Variants in CCDC85C observed in about 807,000 individuals in gnomAD.
The protein encoded by CCDC85C is coiled-coil domain-containing protein 85C.
A neutral mutation model predicts 38.3 loss-of-function variants in CCDC85C; 18 were observed. That is an observed-to-expected ratio of 0.47 (90% CI 0.33 to 0.70). The LOEUF is 0.70. Ranked by LOEUF, CCDC85C falls within the 30% of genes least tolerant of loss-of-function variation. CCDC85C has a pLI of 0.03. For synonymous variants in CCDC85C, 264 were observed against 293.8 expected (o/e 0.90, Z 1.04); for missense variants, 566 against 621.2 (o/e 0.91, Z 0.94).
chr14:99,603,479 T>C lies in CCDC85C; in HGVS notation c.481A>G (p.Thr161Ala). Residue 161 changes from threonine (T) to alanine (A), a missense_variant, in exon 1 of 6, where the codon ACG becomes GCG. This residue lies in a region of CCDC85C where 269 missense variants were observed against 308.2 expected (regional missense o/e 0.87). Transcript: ENST00000380243. This position sits in a 1 kb window ranked among gnomAD's most constrained non-coding sequence, Gnocchi z 7.5. ...CCGCCGCCACCGCTTGCGGCCCCCGTCGCCGCCAGTGCCGCGCGCTCCTCG... is the reference window on the plus strand; with the variant it reads ...CCGCCGCCACCGCTTGCGGCCCCCGCCGCCGCCAGTGCCGCGCGCTCCTCG... Reference protein sequence around the residue: ...LDEERAALAATGAASGGGGGG... With the variant: ...LDEERAALAAAGAASGGGGGG... 1 of 1,289,166 alleles carries C rather than the reference T, an allele frequency of 7.8e-7. No individual in the cohort carries two copies. The highest frequency in any genetic ancestry group is 9.7e-7 in the Non-Finnish European group (1 of 1,025,772). The allele number at this position is 1,289,166 out of a possible 1,614,324, so 79.9% of individuals were successfully genotyped here.
At chr14:99,568,202 G>A (rs1898256405) in intron 1 of CCDC85C, among the ~76,000 whole-genome samples, 1 of 150,994 alleles carries the variant, frequency 6.6e-6, no homozygotes, top group African/African-American at 2.4e-5. Context: ...GCAGGGAAGG[G>A]GAGCCCTGGG....
intron 1 of CCDC85C, among the ~76,000 whole-genome samples, chr14:99,563,336 T>G (rs1405731900): frequency 6.6e-6 from 1 of 152,250 alleles, no homozygotes; most frequent in Non-Finnish European, 1.5e-5. Flanking sequence ...GATGGCGCGG[T>G]GCAGGGAGCA....
At position 99,512,116 on chromosome 14, in the gene CCDC85C, A is replaced by AGTT. The variant is rs1478332224; in HGVS notation, c.*3127_*3129dup. Reference sequence around the variant, plus strand: ...TGTTTGTTACTCCTTTTACTAAAATAGTTCAAATCAATGTTTTTACCACAC... The same window carrying AGTT: ...TGTTTGTTACTCCTTTTACTAAAATAGTTGTTCAAATCAATGTTTTTACCACAC... On this transcript the variant is annotated 3_prime_UTR_variant, in exon 6 of 6. Transcript: ENST00000380243. The AGTT allele has an allele frequency of 2.0e-5, 3 of 152,368 alleles. No individual in the cohort carries two copies. Among genetic ancestry groups the AGTT allele is most frequent in the Non-Finnish European group, 2.9e-5 (2 of 68,042 alleles). 9.4% of individuals were successfully genotyped at this position (152,368 alleles called of 1,614,324 possible). A position where few individuals can be genotyped will look rare whatever the true frequency, so the allele number is the denominator to read the frequency against.
intron 2 of CCDC85C, among the ~76,000 whole-genome samples, chr14:99,530,366 G>A (rs188773649): frequency 1.7e-4 from 26 of 152,232 alleles, no homozygotes; most frequent in East Asian, 1.5e-3. Flanking sequence ...ACGGTATGGC[G>A]GCCAACCCAA....
At chr14:99,573,525 A>G (rs1898404311) in intron 1 of CCDC85C, among the ~76,000 whole-genome samples, 1 of 152,144 alleles carries the variant, frequency 6.6e-6, no homozygotes, top group African/African-American at 2.4e-5. Context: ...CAGTCTCCCC[A>G]TGGAGGTGCT....
In CCDC85C at chr14:99,502,854, C is replaced by T; in HGVS notation, c.*12392G>A. On this transcript the variant is annotated 3_prime_UTR_variant, in exon 6 of 6. Transcript: ENST00000380243. ...CCGCAAGTACAGCAGTCACAGCCGT[C>T]TCAAAGCTCCGAACCATCCCAGCCC... The T allele has an allele frequency of 6.2e-7, 1 of 1,613,426 alleles. No individual in the cohort carries two copies. Among genetic ancestry groups the T allele is most frequent in the Non-Finnish European group, 8.5e-7 (1 of 1,179,602 alleles).
rs762454138 is a variant in CCDC85C, at chr14:99,515,224, C to G, written c.*22G>C. 1 of 1,539,666 alleles carries G rather than the reference C, an allele frequency of 6.5e-7. No homozygotes were observed. Among genetic ancestry groups the G allele is most frequent in the Non-Finnish European group, 8.8e-7 (1 of 1,137,814 alleles). Reference sequence around the variant, plus strand: ...CCTGGGGACCCCCAGCAGGGCCAGTCCACGTCCACAGAAGAGTGGCCCTAC... The same window carrying G: ...CCTGGGGACCCCCAGCAGGGCCAGTGCACGTCCACAGAAGAGTGGCCCTAC... On this transcript the variant is annotated 3_prime_UTR_variant, in exon 6 of 6. Coordinates refer to ENST00000380243, the MANE Select transcript of CCDC85C (RefSeq NM_001144995.2).
At chr14:99,515,439 G>T in intron 5 of CCDC85C, 104 bp from the exon 6 acceptor site, 2 of 799,574 alleles carry the variant, frequency 2.5e-6, no homozygotes, top group Non-Finnish European at 4.1e-6. Context: ...CGTCCTCAGA[G>T]CCATGGGGCC....
At chr14:99,551,205 C>T (rs996857593) in intron 1 of CCDC85C, among the ~76,000 whole-genome samples, 1 of 152,216 alleles carries the variant, frequency 6.6e-6, no homozygotes, top group Admixed American at 6.5e-5. Flanking sequence ...GTGAGGGTCA[C>T]AGCGTACACG....
intron 1 of CCDC85C, among the ~76,000 whole-genome samples, chr14:99,587,487 C>G (rs1472555053): frequency 6.6e-6 from 1 of 152,182 alleles, no homozygotes; most frequent in East Asian, 1.9e-4. Flanking sequence ...ATGGGATGGC[C>G]CAGAGAGCTC....
chr14:99,517,424 G>C lies in CCDC85C; in HGVS notation c.976-241C>G, dbSNP rs371308147. 1.6e-4 allele frequency among the ~76,000 whole-genome samples: 25 copies of C among 152,282 alleles called. No individual in the cohort carries two copies. In the East Asian group the frequency reaches 4.2e-3, roughly 26 times the overall value. On this transcript the variant is annotated intron_variant, in intron 3 of 5. Transcript: ENST00000380243. ...GGTCCCTGATAGCACAGAGGCAAGA[G>C]GGGCAGTCCAGGGCCCACCCACACC...
chr14:99,507,359 C>T lies in CCDC85C; in HGVS notation c.*7887G>A. 5.4e-6 allele frequency: 3 copies of T among 559,196 alleles called. No individual in the cohort carries two copies. In the Admixed American group the frequency reaches 9.1e-5, roughly 17 times the overall value. The allele number at this position is 559,196 out of a possible 1,614,324, so 34.6% of individuals were successfully genotyped here. A position where few individuals can be genotyped will look rare whatever the true frequency, so the allele number is the denominator to read the frequency against. ...TGGGAGGCGGAGGCAGGAGAATCACCTGACCCCAGGAGTTCGAGGTCAGCC... is the reference window on the plus strand; with the variant it reads ...TGGGAGGCGGAGGCAGGAGAATCACTTGACCCCAGGAGTTCGAGGTCAGCC... On this transcript the variant is annotated 3_prime_UTR_variant, in exon 6 of 6. Transcript: ENST00000380243.
intron 1 of CCDC85C, among the ~76,000 whole-genome samples, chr14:99,559,899 G>C (rs955337580): frequency 6.6e-6 from 1 of 152,072 alleles, no homozygotes; most frequent in African/African-American, 2.4e-5. Context: ...TCAGGGGAAA[G>C]AAATCTTCCC....
chr14:99,510,819 A>G lies in CCDC85C; in HGVS notation c.*4427T>C. ...TTTCCCTCTTTGTTTTTTTAACAAGATTTTCTAATCGACTTGCAGAGTAGT... is the reference window on the plus strand; with the variant it reads ...TTTCCCTCTTTGTTTTTTTAACAAGGTTTTCTAATCGACTTGCAGAGTAGT... On this transcript the variant is annotated 3_prime_UTR_variant, in exon 6 of 6. Coordinates refer to ENST00000380243, the MANE Select transcript of CCDC85C (RefSeq NM_001144995.2). 1 of 1,392,240 alleles carries G rather than the reference A, an allele frequency of 7.2e-7. No homozygotes were observed. The highest frequency in any genetic ancestry group is 9.3e-7 in the Non-Finnish European group (1 of 1,071,296). 86.2% of individuals were successfully genotyped at this position (1,392,240 alleles called of 1,614,324 possible).
intron 1 of CCDC85C, among the ~76,000 whole-genome samples, chr14:99,596,190 C>T (rs375800934): frequency 2.0e-5 from 3 of 152,212 alleles, no homozygotes; most frequent in African/African-American, 7.2e-5. Context: ...TACCATCAGC[C>T]GCAGACACAG....
intron 1 of CCDC85C, among the ~76,000 whole-genome samples, chr14:99,589,118 G>T (rs8017779): frequency 6.6e-6 from 1 of 151,394 alleles, no homozygotes; most frequent in Non-Finnish European, 1.5e-5. Flanking sequence ...GCCCTGAGGA[G>T]AGCAGGCAGG....
rs901038863 is a variant in CCDC85C, at chr14:99,513,433, G to A, written c.*1813C>T. 3.3e-5 allele frequency: 5 copies of A among 152,234 alleles called. No individual in the cohort carries two copies. The highest frequency in any genetic ancestry group is 2.1e-4 in the South Asian group (1 of 4,832). The allele number at this position is 152,234 out of a possible 1,614,324, so 9.4% of individuals were successfully genotyped here. ...GTGACCGGGAGCGCACCACCTGACC[G>A]GGCGACACTCCTTCCCAAAGAGCCT... On this transcript the variant is annotated 3_prime_UTR_variant, in exon 6 of 6. Coordinates refer to ENST00000380243, the MANE Select transcript of CCDC85C (RefSeq NM_001144995.2).
chr14:99,586,517 G>GC (rs1401256988), intron 1 of CCDC85C, among the ~76,000 whole-genome samples: 1 of 152,236 alleles, frequency 6.6e-6, no homozygotes, highest in Non-Finnish European at 1.5e-5. Flanking sequence ...TAGAGTGGGG[G>GC]CATGGATAGG....
At chr14:99,530,886 T>G (rs974133401) in intron 2 of CCDC85C, among the ~76,000 whole-genome samples, 2 of 152,186 alleles carry the variant, frequency 1.3e-5, no homozygotes, top group Non-Finnish European at 2.9e-5. Flanking sequence ...GAGAGAGGCC[T>G]CAGAAGGAGC....
Sources: gnomAD v4.1 joint callset for allele counts (sites outside exome capture counted in the v4.1 genomes callset) on GRCh38, gnomAD v4.1.1 for gene constraint, gnomAD v4.1.1 regional missense constraint, Gnocchi (gnomAD v3.1) non-coding constraint, MANE v1.5 for transcripts, NCBI Gene and HGNC (gene_info 2026-07-23, HGNC 2026-07-21) for gene names.